SLC17A1: variants seen among roughly 807,000 people sequenced by gnomAD.
SLC17A1 encodes the protein sodium-dependent phosphate transport protein 1.
In SLC17A1, 51 loss-of-function variants were observed where a neutral mutation model predicts 53.5. That is an observed-to-expected ratio of 0.95 (90% CI 0.76 to 1.20). SLC17A1 has a LOEUF of 1.20. SLC17A1 is among the 50% of genes most tolerant of loss of function. The pLI, the probability that SLC17A1 is intolerant of heterozygous loss-of-function variation, is 0.00. For synonymous variants in SLC17A1, 179 were observed against 198.8 expected, an observed-to-expected ratio of 0.90 and a Z score of 0.84; for missense variants, 538 against 568.2, an observed-to-expected ratio of 0.95 and a Z score of 0.54.
chr6:25,728,019 A>G, the SLC17A1 span, among the ~76,000 whole-genome samples: 17 of 152,148 alleles, frequency 1.1e-4, no homozygotes, highest in Non-Finnish European at 1.8e-4. Flanking sequence ...CAAAAAACAA[A>G]ACAAAAAAAC....
At chr6:25,749,130 A>G in the SLC17A1 span, among the ~76,000 whole-genome samples, 7 of 152,324 alleles carry the variant, frequency 4.6e-5, no homozygotes, top group Admixed American at 2.0e-4. Flanking sequence ...AGACTATCAC[A>G]TGGGGAGAAA....
chr6:25,734,465 G>A, the SLC17A1 span, among the ~76,000 whole-genome samples: 1 of 152,058 alleles, frequency 6.6e-6, no homozygotes, highest in Non-Finnish European at 1.5e-5. Flanking sequence ...TTAAGAAAAG[G>A]ATAAATCTAC....
chr6:25,731,371 A>C, the SLC17A1 span, among the ~76,000 whole-genome samples: 1 of 152,244 alleles, frequency 6.6e-6, no homozygotes, highest in Non-Finnish European at 1.5e-5. Context: ...AAGAAAAAGC[A>C]AACAGCCTAA....
At chr6:25,806,368 G>A (rs1331911147) in intron 10 of SLC17A1, among the ~76,000 whole-genome samples, 1 of 151,924 alleles carries the variant, frequency 6.6e-6, no homozygotes, top group Non-Finnish European at 1.5e-5. Flanking sequence ...AAGCATAGAA[G>A]GGACTTACCT....
the SLC17A1 span, among the ~76,000 whole-genome samples, chr6:25,760,792 T>C: frequency 6.6e-6 from 1 of 152,328 alleles, no homozygotes; most frequent in African/African-American, 2.4e-5. Flanking sequence ...GTATTTCAAG[T>C]AGTATCTTTC....
At chr6:25,757,597 C>T in the SLC17A1 span, among the ~76,000 whole-genome samples, 1 of 152,104 alleles carries the variant, frequency 6.6e-6, no homozygotes, top group Non-Finnish European at 1.5e-5. Flanking sequence ...GGGAAGGGAT[C>T]ATTTGGTTGG....
intron 12 of SLC17A1, among the ~76,000 whole-genome samples, chr6:25,789,889 A>G (rs761259216): frequency 3.9e-5 from 6 of 152,202 alleles, no homozygotes; most frequent in Non-Finnish European, 4.4e-5. Flanking sequence ...CATGGTAGAA[A>G]TGTATCAGCA....
chr6:25,731,957 G>C, the SLC17A1 span: 1 of 1,598,166 alleles, frequency 6.3e-7, no homozygotes, highest in Non-Finnish European at 8.5e-7. Flanking sequence ...GCTCAAAAAT[G>C]TCACTAACAA....
the SLC17A1 span, chr6:25,726,797 T>C: frequency 1.5e-6 from 2 of 1,341,772 alleles, no homozygotes; most frequent in Non-Finnish European, 2.0e-6. Flanking sequence ...TTGGCGAGAC[T>C]TGGAGCTGAG....
At chr6:25,724,808 T>C in the SLC17A1 span, among the ~76,000 whole-genome samples, 2 of 152,346 alleles carry the variant, frequency 1.3e-5, no homozygotes, top group Non-Finnish European at 2.9e-5. Context: ...ATTCAACATA[T>C]AGTTGCCATT....
chr6:25,824,528 A>G (rs60123863), intron 3 of SLC17A1, among the ~76,000 whole-genome samples: 10,938 of 151,954 alleles, frequency 0.072, 620 homozygotes, highest in African/African-American at 0.16. Context: ...GATACATAAA[A>G]TGAATAACAG....
the SLC17A1 span, among the ~76,000 whole-genome samples, chr6:25,758,689 T>G: frequency 6.6e-6 from 1 of 152,216 alleles, no homozygotes; most frequent in Admixed American, 6.5e-5. Context: ...CTTTTTTCCT[T>G]GGTTAGTGTC....
chr6:25,741,049 G>T, the SLC17A1 span, among the ~76,000 whole-genome samples: 1 of 142,042 alleles, frequency 7.0e-6, no homozygotes, highest in Non-Finnish European at 1.6e-5. Context: ...ATGAAGTAAG[G>T]TTGGTTAATA....
At chr6:25,818,246 T>A (rs1400844575) in intron 6 of SLC17A1, among the ~76,000 whole-genome samples, 1 of 152,192 alleles carries the variant, frequency 6.6e-6, no homozygotes, top group Non-Finnish European at 1.5e-5. Flanking sequence ...AATCTATGTG[T>A]CCTTTTATGA....
chr6:25,821,985 T>C (rs1764579313), intron 3 of SLC17A1, among the ~76,000 whole-genome samples: 1 of 152,126 alleles, frequency 6.6e-6, no homozygotes, highest in African/African-American at 2.4e-5. Flanking sequence ...CACAGAAATA[T>C]ACAAATGTGT....
the SLC17A1 span, chr6:25,773,238 CA>C: frequency 6.6e-7 from 1 of 1,505,322 alleles, no homozygotes. Flanking sequence ...AGAAGTACTT[CA>C]ATCCATCCAG....
chr6:25,765,113 G>A, the SLC17A1 span, among the ~76,000 whole-genome samples: 3 of 152,288 alleles, frequency 2.0e-5, no homozygotes, highest in South Asian at 6.2e-4. Context: ...GGCTTTTATG[G>A]TCCAAGGCTG....
At chr6:25,823,475 A>C (rs992506563) in intron 3 of SLC17A1, among the ~76,000 whole-genome samples, 3 of 152,030 alleles carry the variant, frequency 2.0e-5, no homozygotes, top group Non-Finnish European at 4.4e-5. Context: ...TCCTGCACAC[A>C]CTTTATATTT....
At chr6:25,728,871 C>T in the SLC17A1 span, among the ~76,000 whole-genome samples, 1 of 152,200 alleles carries the variant, frequency 6.6e-6, no homozygotes, top group Non-Finnish European at 1.5e-5. Context: ...TAAGTGCCCC[C>T]ACACTTTTGT....
Sources: allele counts gnomAD v4.1 joint callset (sites outside exome capture counted in the v4.1 genomes callset), GRCh38; gene constraint gnomAD v4.1.1; transcripts MANE v1.5; gene names NCBI Gene and HGNC (gene_info 2026-07-23, HGNC 2026-07-21).